The following FHIT variants were observed in gnomAD, a reference collection of about 807,000 sequenced individuals.
FHIT encodes fragile histidine triad diadenosine triphosphatase, also known as bis(5'-adenosyl)-triphosphatase.
A neutral mutation model predicts 17.9 loss-of-function variants in FHIT; 19 were observed. The ratio of observed to expected loss-of-function variants is 1.06; its 90% CI spans 0.74 to 1.56. FHIT has a LOEUF of 1.56. FHIT is among the 40% of genes most tolerant of loss of function. FHIT has a pLI of 0.00. For synonymous variants in FHIT, 81 were observed against 69.7 expected, an observed-to-expected ratio of 1.16 and a Z score of -0.81; for missense variants, 248 against 189.2, an observed-to-expected ratio of 1.31 and a Z score of -1.82.
intron 2 of FHIT, among the ~76,000 whole-genome samples, chr3:61,115,740 G>A (rs1228295134): frequency 2.0e-5 from 3 of 152,112 alleles, no homozygotes; most frequent in Admixed American, 2.0e-4. Flanking sequence ...GTATACAGTT[G>A]TGCATAAGGT....
intron 5 of FHIT, among the ~76,000 whole-genome samples, chr3:60,320,760 G>A (rs1330551375): frequency 6.6e-6 from 1 of 152,102 alleles, no homozygotes; most frequent in African/African-American, 2.4e-5. Flanking sequence ...ACATAAGAAA[G>A]ATGGATAATT....
chr3:61,152,757 G>A (rs544114702), intron 2 of FHIT, among the ~76,000 whole-genome samples: 2 of 142,874 alleles, frequency 1.4e-5, no homozygotes, highest in African/African-American at 5.1e-5. Context: ...TGTTTTATAA[G>A]ATCAGTATGG....
chr3:60,495,291 G>T (rs573946531), intron 5 of FHIT, among the ~76,000 whole-genome samples: 1 of 152,160 alleles, frequency 6.6e-6, no homozygotes, highest in South Asian at 2.1e-4. Context: ...ATAAGCAAAT[G>T]CTTCAAGTAC....
rs866153472 is a variant in FHIT, at chr3:59,956,047, C to T, written c.280-33633G>A. On this transcript the variant is annotated intron_variant, in intron 7 of 9. Coordinates refer to ENST00000492590, the MANE Select transcript of FHIT (RefSeq NM_002012.4). The stretch of plus-strand genomic sequence containing the variant: ...TCTCCAGGATCTACTCACAAAAATC[C>T]TCTGGCACAGCTCTCTTCTTCTATC... Among the ~76,000 whole-genome samples, 29 of 152,342 alleles carry T rather than the reference C, an allele frequency of 1.9e-4. No homozygotes were observed. The Middle Eastern group carries it at 0.017, about 89-fold the overall frequency.
chr3:59,780,974 A>G (rs981648729), intron 8 of FHIT, among the ~76,000 whole-genome samples: 9 of 152,134 alleles, frequency 5.9e-5, no homozygotes, highest in Non-Finnish European at 5.9e-5. Flanking sequence ...TCTATGATAT[A>G]ATATAAATAT....
At chr3:60,807,419 G>GAA (rs568345161) in intron 4 of FHIT, among the ~76,000 whole-genome samples, 1 of 139,342 alleles carries the variant, frequency 7.2e-6, no homozygotes, top group African/African-American at 2.6e-5. Flanking sequence ...CAAAAAAAAA[G>GAA]AAAAAAAAAA....
chr3:61,128,931 G>C (rs1448443243), intron 2 of FHIT, among the ~76,000 whole-genome samples: 2 of 152,084 alleles, frequency 1.3e-5, no homozygotes, highest in African/African-American at 4.8e-5. Context: ...CGTGAAATAT[G>C]TTCTTACTTA....
At chr3:59,907,221 T>A (rs1188841604) in intron 8 of FHIT, among the ~76,000 whole-genome samples, 1 of 152,198 alleles carries the variant, frequency 6.6e-6, no homozygotes, top group Non-Finnish European at 1.5e-5. Context: ...CCATGGCCCT[T>A]TATCAGAGAC....
intron 8 of FHIT, among the ~76,000 whole-genome samples, chr3:59,883,580 G>A (rs372548671): frequency 6.6e-6 from 1 of 152,218 alleles, no homozygotes; most frequent in Non-Finnish European, 1.5e-5. Flanking sequence ...CACAACACAT[G>A]AGAATCATGG....
At chr3:60,062,825 G>T (rs1479057052) in intron 5 of FHIT, among the ~76,000 whole-genome samples, 1 of 152,168 alleles carries the variant, frequency 6.6e-6, no homozygotes, top group African/African-American at 2.4e-5. Context: ...ATTTGCAGGA[G>T]AGTCATGTTC....
intron 5 of FHIT, among the ~76,000 whole-genome samples, chr3:60,297,208 A>G (rs2106690925): frequency 6.6e-6 from 1 of 152,068 alleles, no homozygotes; most frequent in Non-Finnish European, 1.5e-5. Context: ...TAAGAATTAT[A>G]TTAAAACTCT....
chr3:60,345,475 C>T (rs897277405), intron 5 of FHIT, among the ~76,000 whole-genome samples: 5 of 152,144 alleles, frequency 3.3e-5, no homozygotes, highest in Non-Finnish European at 4.4e-5. Flanking sequence ...TGGCTTGGAC[C>T]TATGTGGATA....
chr3:60,491,558 T>C (rs975313765), intron 5 of FHIT, among the ~76,000 whole-genome samples: 2 of 152,216 alleles, frequency 1.3e-5, no homozygotes, highest in African/African-American at 4.8e-5. Context: ...TCAATTCATA[T>C]AACATGCCAG....
At chr3:59,915,047 C>T (rs1705066163) in intron 8 of FHIT, among the ~76,000 whole-genome samples, 1 of 152,126 alleles carries the variant, frequency 6.6e-6, no homozygotes, top group Non-Finnish European at 1.5e-5. Flanking sequence ...TGTAGTTAAA[C>T]TTAGGTTTCA....
chr3:60,948,279 C>T (rs992697146), intron 3 of FHIT, among the ~76,000 whole-genome samples: 1 of 152,132 alleles, frequency 6.6e-6, no homozygotes, highest in Admixed American at 6.5e-5. Context: ...ACCTAACAGC[C>T]CATAGGTAAC....
intron 5 of FHIT, among the ~76,000 whole-genome samples, chr3:60,510,037 CTAGTACTCT>C (rs2034888506): frequency 6.6e-6 from 1 of 152,130 alleles, no homozygotes; most frequent in South Asian, 2.1e-4. Context: ...CCCAGAGTTA[CTAGTACTCT>C]TATTTTGCCA....
intron 3 of FHIT, among the ~76,000 whole-genome samples, chr3:60,962,671 G>A (rs1559869317): frequency 1.3e-5 from 2 of 152,160 alleles, no homozygotes. Flanking sequence ...GGCCTTTTCT[G>A]CATCTACTGA....
At chr3:60,613,572 A>T (rs1473511216) in intron 4 of FHIT, among the ~76,000 whole-genome samples, 2 of 151,898 alleles carry the variant, frequency 1.3e-5, no homozygotes, top group Admixed American at 6.6e-5. Flanking sequence ...TCCTCCCTCC[A>T]GCCCTTCCCT....
At chr3:61,005,726 A>G (rs1301075666) in intron 3 of FHIT, among the ~76,000 whole-genome samples, 1 of 152,112 alleles carries the variant, frequency 6.6e-6, no homozygotes, top group Non-Finnish European at 1.5e-5. Flanking sequence ...CGCAATAATT[A>G]TATATGTGGT....
Sources: gnomAD v4.1 joint callset for allele counts (sites outside exome capture counted in the v4.1 genomes callset) on GRCh38, gnomAD v4.1.1 for gene constraint, MANE v1.5 for transcripts, NCBI Gene and HGNC (gene_info 2026-07-23, HGNC 2026-07-21) for gene names.